The following LINGO2 variants were observed in gnomAD, a reference collection of about 807,000 sequenced individuals.
LINGO2 encodes the protein leucine rich repeat and Ig domain containing 2.
In LINGO2, 14 loss-of-function variants were observed where a neutral mutation model predicts 30.6. The ratio of observed to expected loss-of-function variants is 0.46; its 90% CI spans 0.30 to 0.72. The LOEUF (loss-of-function observed/expected upper bound fraction) is 0.72, where lower values mean the gene tolerates loss of function less well. Among genes scored for constraint, LINGO2 ranks in the 30% least tolerant of loss-of-function variants. The pLI is 0.07. For synonymous variants in LINGO2, 317 were observed against 288.5 expected, an observed-to-expected ratio of 1.10 and a Z score of -1.00; for missense variants, 729 against 751.7, an observed-to-expected ratio of 0.97 and a Z score of 0.35.
At chr9:28,117,597 G>T (rs1826959962) in intron 4 of LINGO2, among the ~76,000 whole-genome samples, 2 of 111,948 alleles carry the variant, frequency 1.8e-5, no homozygotes, top group Non-Finnish European at 3.7e-5. Context: ...AGCCAGGTGT[G>T]GGATATAGTC....
chr9:28,019,026 A>C (rs1822981122), intron 4 of LINGO2, among the ~76,000 whole-genome samples: 1 of 152,156 alleles, frequency 6.6e-6, no homozygotes, highest in Non-Finnish European at 1.5e-5. Context: ...ACACAGGAAC[A>C]GAAAACCAAA....
chr9:28,498,324 C>T (rs1819740736), intron 1 of LINGO2, among the ~76,000 whole-genome samples: 1 of 152,174 alleles, frequency 6.6e-6, no homozygotes, highest in Non-Finnish European at 1.5e-5. Flanking sequence ...AGCTTCCTGG[C>T]CACTTTGTTT....
intron 5 of LINGO2, among the ~76,000 whole-genome samples, chr9:27,953,668 A>G (rs1027636392): frequency 6.6e-6 from 1 of 151,992 alleles, no homozygotes; most frequent in African/African-American, 2.4e-5. Context: ...ATGAGGAAGG[A>G]TGTGTTTGCT....
intron 3 of LINGO2, among the ~76,000 whole-genome samples, chr9:28,363,324 G>C (rs1177513645): frequency 6.6e-6 from 1 of 152,182 alleles, no homozygotes; most frequent in Non-Finnish European, 1.5e-5. Flanking sequence ...GCAAGAGTAA[G>C]AAAATAAAGA....
At chr9:28,938,603 T>G in the LINGO2 span, among the ~76,000 whole-genome samples, 1 of 152,296 alleles carries the variant, frequency 6.6e-6, no homozygotes, top group African/African-American at 2.4e-5. Context: ...CTTTTCTATG[T>G]TTAGATACAC....
At chr9:28,682,276 C>CT in the LINGO2 span, among the ~76,000 whole-genome samples, 4 of 152,318 alleles carry the variant, frequency 2.6e-5, no homozygotes, top group Non-Finnish European at 5.9e-5. Context: ...GAAAAAAGCT[C>CT]ATGGAACCTA....
the LINGO2 span, among the ~76,000 whole-genome samples, chr9:28,821,900 T>G: frequency 6.6e-6 from 1 of 152,104 alleles, no homozygotes; most frequent in Non-Finnish European, 1.5e-5. Context: ...GCATAGACTG[T>G]TGGAGAGTGG....
intron 3 of LINGO2, among the ~76,000 whole-genome samples, chr9:28,304,801 C>T (rs1824281779): frequency 6.6e-6 from 1 of 151,682 alleles, no homozygotes; most frequent in Non-Finnish European, 1.5e-5. Flanking sequence ...GAGACTAACT[C>T]AAAGTAGCAT....
Position 28,494,896 on chromosome 9 carries a change from T to A in LINGO2, c.-364-18871A>T, listed in dbSNP as rs553436983. 5.5e-3 allele frequency among the ~76,000 whole-genome samples: 837 copies of A among 152,322 alleles called. 5 individuals are homozygous for A. Among genetic ancestry groups the A allele is most frequent in the Non-Finnish European group, 7.3e-3 (495 of 68,030 alleles). On this transcript the variant is annotated intron_variant, in intron 1 of 5. Transcript: ENST00000379992. ...CAGCACCTGTTGTTTCCTGACCTTT[T>A]AATGATTGCCATTCTAACTGCTGTG... is the stretch of plus-strand genomic sequence containing the variant.
the LINGO2 span, among the ~76,000 whole-genome samples, chr9:28,683,956 G>A: frequency 6.6e-6 from 1 of 151,972 alleles, no homozygotes; most frequent in African/African-American, 2.4e-5. Flanking sequence ...TACTCTTTAA[G>A]TATATGAGGA....
At chr9:28,223,627 T>C (rs1454459437) in intron 4 of LINGO2, among the ~76,000 whole-genome samples, 1 of 152,106 alleles carries the variant, frequency 6.6e-6, no homozygotes, top group African/African-American at 2.4e-5. Context: ...AAAGACTAGT[T>C]TAATCACCAA....
the LINGO2 span, among the ~76,000 whole-genome samples, chr9:28,713,852 A>G: frequency 6.6e-6 from 1 of 152,018 alleles, no homozygotes; most frequent in Admixed American, 6.6e-5. Context: ...CAACTAAAAT[A>G]CAATAAAAAT....
the LINGO2 span, among the ~76,000 whole-genome samples, chr9:28,686,043 T>C: frequency 2.6e-5 from 4 of 151,778 alleles, no homozygotes; most frequent in African/African-American, 9.7e-5. Flanking sequence ...CCAAACATTC[T>C]AGCAGTATAC....
chr9:28,637,558 T>C (rs1394322942), intron 1 of LINGO2, among the ~76,000 whole-genome samples: 1 of 152,212 alleles, frequency 6.6e-6, no homozygotes, highest in Admixed American at 6.5e-5. Context: ...GTTGGATTCC[T>C]AAGTATTTTA....
chr9:28,102,710 C>A (rs930825464), intron 4 of LINGO2, among the ~76,000 whole-genome samples: 1 of 152,068 alleles, frequency 6.6e-6, no homozygotes, highest in Non-Finnish European at 1.5e-5. Flanking sequence ...AAGAGCCATA[C>A]GAGTTTGATC....
At chr9:28,056,578 A>T (rs1259320773) in intron 4 of LINGO2, among the ~76,000 whole-genome samples, 1 of 152,116 alleles carries the variant, frequency 6.6e-6, no homozygotes, top group Non-Finnish European at 1.5e-5. Context: ...AGCACCCTAC[A>T]CAGTGATTGG....
At chr9:28,548,487 C>T (rs190675190) in intron 1 of LINGO2, among the ~76,000 whole-genome samples, 17 of 151,890 alleles carry the variant, frequency 1.1e-4, no homozygotes, top group South Asian at 6.2e-4. Flanking sequence ...GGGTGGTTCA[C>T]GAGGGCAAGA....
chr9:28,978,569 C>T, the LINGO2 span, among the ~76,000 whole-genome samples: 3 of 152,154 alleles, frequency 2.0e-5, no homozygotes, highest in African/African-American at 4.8e-5. Flanking sequence ...AGTACTTGTA[C>T]AATGCCTGAC....
rs577619872 is a variant in LINGO2 at position 28,494,617 on chromosome 9, T to C, written c.-364-18592A>G. Among the ~76,000 whole-genome samples the C allele has an allele frequency of 2.8e-3, 425 of 152,338 alleles. 1 individual carries two copies. Among genetic ancestry groups the C allele is most frequent in the African/African-American group, 9.6e-3 (398 of 41,578 alleles). On this transcript the variant is annotated intron_variant, in intron 1 of 5. Transcript: ENST00000379992. ...CACATTTTCTTAATCCAGTCTATAA[T>C]TGATGGACATTTGGGTTGGTTCCAA...
Sources: allele counts gnomAD v4.1 joint callset (sites outside exome capture counted in the v4.1 genomes callset), GRCh38; gene constraint gnomAD v4.1.1; transcripts MANE v1.5; gene names NCBI Gene and HGNC (gene_info 2026-07-23, HGNC 2026-07-21).